The following PIAS2 variants were observed in gnomAD, a reference collection of about 807,000 sequenced individuals.
PIAS2 encodes the protein protein inhibitor of activated STAT 2.
A neutral mutation model predicts 69.7 loss-of-function variants in PIAS2; 19 were observed. That is an observed-to-expected ratio of 0.27 (90% CI 0.19 to 0.40). PIAS2 has a LOEUF of 0.40. Ranked by LOEUF, PIAS2 falls within the 10% of genes least tolerant of loss-of-function variation. The pLI is 1.00. For synonymous variants in PIAS2, 261 were observed against 263.2 expected, an observed-to-expected ratio of 0.99 and a Z score of 0.08; for missense variants, 624 against 757.0, an observed-to-expected ratio of 0.82 and a Z score of 2.06.
chr18:46,848,726 C>T (rs747266004), intron 5 of PIAS2, among the ~76,000 whole-genome samples: 4 of 150,614 alleles, frequency 2.7e-5, no homozygotes, highest in Non-Finnish European at 5.9e-5. Context: ...AGAAGAACTT[C>T]AATAACTTGC....
chr18:46,917,631 CCTGCCCCGGCGTG>C (rs1262935713), upstream of PIAS2: 108 of 863,792 alleles, frequency 1.3e-4, no homozygotes, highest in Admixed American at 3.0e-4. Context: ...CCCGCCCGCG[CCTGCCCCGGCGTG>C]CTGCCCCGCG....
At chr18:46,887,376 T>C (rs993138817) in intron 2 of PIAS2, among the ~76,000 whole-genome samples, 1 of 152,138 alleles carries the variant, frequency 6.6e-6, no homozygotes, top group Non-Finnish European at 1.5e-5. Context: ...AGTACAATCC[T>C]GTAAGACAGG....
At chr18:46,851,001 T>A (rs188585235) in intron 5 of PIAS2, among the ~76,000 whole-genome samples, 6 of 152,298 alleles carry the variant, frequency 3.9e-5, no homozygotes, top group Admixed American at 3.9e-4. Flanking sequence ...CTATAATCAT[T>A]ATTCTTTCAG....
chr18:46,829,630 G>A, intron 10 of PIAS2, 104 bp downstream of exon 10: 3 of 964,574 alleles, frequency 3.1e-6, no homozygotes, highest in Admixed American at 2.4e-5. Context: ...TCAAAAGACT[G>A]AGTCAACAAG....
intron 1 of PIAS2, among the ~76,000 whole-genome samples, chr18:46,909,743 A>T (rs1246508289): frequency 3.9e-5 from 6 of 152,236 alleles, no homozygotes; most frequent in Non-Finnish European, 7.3e-5. Flanking sequence ...CTACAGTGAA[A>T]CATACAAATA....
intron 5 of PIAS2, chr18:46,853,492 C>T (rs17781230): frequency 0.01 from 1,573 of 152,180 alleles, 17 homozygotes; most frequent in East Asian, 0.041. Context: ...TTTGTGCAAA[C>T]TAGCCAAATA....
chr18:46,856,190 A>G (rs2047797137), intron 3 of PIAS2, among the ~76,000 whole-genome samples: 2 of 151,410 alleles, frequency 1.3e-5, no homozygotes, highest in Non-Finnish European at 2.9e-5. Flanking sequence ...TTTATCAGAG[A>G]TAGGGTTTCA....
Position 46,917,470 on chromosome 18 carries a change from C to T in PIAS2, c.-125G>A. Reference sequence around the variant, plus strand: ...ATCCTGCACTGGGCGCCGCTTAAGACGCCGCGGCCGCCGCCGCTACAGCCG... The same window carrying T: ...ATCCTGCACTGGGCGCCGCTTAAGATGCCGCGGCCGCCGCCGCTACAGCCG... On this transcript the variant is annotated 5_prime_UTR_variant, in exon 1 of 14. Transcript: ENST00000585916. 5.0e-6 allele frequency: 6 copies of T among 1,209,982 alleles called. No individual in the cohort carries two copies. The highest frequency in any genetic ancestry group is 6.2e-6 in the Non-Finnish European group (6 of 969,844). The allele number at this position is 1,209,982 out of a possible 1,614,324, so 75.0% of individuals were successfully genotyped here. A position where few individuals can be genotyped will look rare whatever the true frequency, so the allele number is the denominator to read the frequency against.
At chr18:46,836,640 C>A in intron 8 of PIAS2, 123 bp from the exon 9 acceptor site, 1 of 663,896 alleles carries the variant, frequency 1.5e-6, no homozygotes, top group Admixed American at 2.6e-5. Context: ...AATAGAAATC[C>A]AAATCAGAAT....
chr18:46,882,103 G>A (rs913145263), intron 2 of PIAS2, among the ~76,000 whole-genome samples: 4 of 150,282 alleles, frequency 2.7e-5, no homozygotes, highest in African/African-American at 9.8e-5. Context: ...TCTCGGTGGC[G>A]GTGGGGGAAG....
chr18:46,836,533 C>A lies in PIAS2; in HGVS notation c.1042-16G>T. On this transcript the variant is annotated splice_polypyrimidine_tract_variant and intron_variant, in intron 8 of 13. Coordinates refer to ENST00000585916, the MANE Select transcript of PIAS2 (RefSeq NM_004671.5). ...TTTTTCCTAACTACAGGACAGGAAA[C>A]ACAAGGAAAACTATTTCAGAAAGGA... 1 of 1,594,098 alleles carries A rather than the reference C, an allele frequency of 6.3e-7. No individual in the cohort carries two copies. The highest frequency in any genetic ancestry group is 8.6e-7 in the Non-Finnish European group (1 of 1,166,466).
chr18:46,827,103 T>A (rs2144912544), intron 11 of PIAS2: 1 of 152,278 alleles, frequency 6.6e-6, no homozygotes, highest in Admixed American at 6.5e-5. Flanking sequence ...TTAAGATGGG[T>A]ACATTTTATG....
Position 46,890,918 on chromosome 18 carries a change from T to C in PIAS2, c.161A>G (p.Gln54Arg). The C allele has an allele frequency of 1.2e-6, 2 of 1,614,194 alleles. No individual in the cohort carries two copies. Among genetic ancestry groups the C allele is most frequent in the Non-Finnish European group, 1.7e-6 (2 of 1,180,024 alleles). The change falls in exon 2 of 14, where the codon CAG (glutamine) becomes CGG (arginine). Residue 54 changes from glutamine (Q) to arginine (R), a missense_variant. By Grantham distance (43) the Gln-to-Arg change is conservative. Transcript: ENST00000585916. ...TCTATACAATTCTCGGATTTTAATC[T>C]GAACCGCAGGGCTGCAGCCGCTCTT... ...LLKSGCSPAV[Q>R]IKIRELYRRR...
intron 1 of PIAS2, among the ~76,000 whole-genome samples, chr18:46,909,737 A>G (rs768128211): frequency 7.2e-5 from 11 of 152,254 alleles, no homozygotes; most frequent in Non-Finnish European, 1.3e-4. Flanking sequence ...GAATCTCTAC[A>G]GTGAAACATA....
In PIAS2 at chr18:46,821,375, T is replaced by C. The variant is rs2042160000; in HGVS notation, c.1509-303A>G. ...CACAAATAGAAATAGACATCACTTT[T>C]ATTAATATGTATGTAATATGTATAT... On this transcript the variant is annotated intron_variant, in intron 11 of 13. Coordinates refer to ENST00000585916, the MANE Select transcript of PIAS2 (RefSeq NM_004671.5). Among the ~76,000 whole-genome samples, 4 of 152,320 alleles carry C rather than the reference T, an allele frequency of 2.6e-5. No individual in the cohort carries two copies. In the South Asian group the frequency reaches 8.3e-4, roughly 32 times the overall value.
rs922266055 is a variant in PIAS2, at chr18:46,805,567, T to C, written c.*6866A>G. The C allele has an allele frequency of 6.6e-6, 1 of 152,144 alleles. No individual in the cohort carries two copies. The highest frequency in any genetic ancestry group is 1.9e-4 in the East Asian group (1 of 5,190). 9.4% of individuals were successfully genotyped at this position (152,144 alleles called of 1,614,324 possible). ...GGGGGGAAGGACAGCAACCACTGTA[T>C]CTTGAGATATGTAGAATGTGAACAC... On this transcript the variant is annotated 3_prime_UTR_variant, in exon 14 of 14. Transcript: ENST00000585916.
At chr18:46,917,111 C>G in intron 1 of PIAS2, 3 of 992,230 alleles carry the variant, frequency 3.0e-6, no homozygotes, top group Non-Finnish European at 3.6e-6. Flanking sequence ...TCGCCGCGGC[C>G]CAGGCCCGCC....
intron 1 of PIAS2, chr18:46,916,874 A>C: frequency 1.0e-6 from 1 of 985,522 alleles, no homozygotes; most frequent in Non-Finnish European, 1.2e-6. Context: ...GAGATTCCTA[A>C]ACGCAACTTC....
chr18:46,892,525 T>G (rs894313266), intron 1 of PIAS2, among the ~76,000 whole-genome samples: 2 of 151,940 alleles, frequency 1.3e-5, no homozygotes, highest in African/African-American at 2.4e-5. Context: ...ATAATCCCAG[T>G]GCTTTTGGAG....
Sources: allele counts gnomAD v4.1 joint callset (sites outside exome capture counted in the v4.1 genomes callset), GRCh38; gene constraint gnomAD v4.1.1; transcripts MANE v1.5; gene names NCBI Gene and HGNC (gene_info 2026-07-23, HGNC 2026-07-21).